The following GALNT13 variants were observed in gnomAD, a reference collection of about 807,000 sequenced individuals.
GALNT13 encodes polypeptide N-acetylgalactosaminyltransferase 13, also known as UDP-GalNAc:polypeptide N-acetylgalactosaminyltransferase 13.
In GALNT13, 28 loss-of-function variants were observed where a neutral mutation model predicts 64.2. The ratio of observed to expected loss-of-function variants is 0.44; its 90% CI spans 0.32 to 0.60. GALNT13 has a LOEUF of 0.60. Ranked by LOEUF, GALNT13 falls within the 20% of genes least tolerant of loss-of-function variation. The pLI, the probability that GALNT13 is intolerant of heterozygous loss-of-function variation, is 0.05. For synonymous variants in GALNT13, 214 were observed against 224.6 expected, an observed-to-expected ratio of 0.95 and a Z score of 0.42; for missense variants, 577 against 669.8, an observed-to-expected ratio of 0.86 and a Z score of 1.53.
rs201157334 is a variant in GALNT13, at chr2:154,404,631, GA to G, written c.1297-4345del. ...AATGGGAGAAGTACTTTGCAGGTGA[GA>G]AAAAAAACTCCTCTCTAATATCTGA... On this transcript the variant is annotated intron_variant, in intron 10 of 12. Transcript: ENST00000392825. 4.8e-3 allele frequency among the ~76,000 whole-genome samples: 724 copies of G among 151,926 alleles called. 8 individuals carry two copies. The highest frequency in any genetic ancestry group is 0.042 in the South Asian group (203 of 4,806).
intron 4 of GALNT13, among the ~76,000 whole-genome samples, chr2:154,166,229 AC>A (rs1294279376): frequency 6.6e-6 from 1 of 152,090 alleles, no homozygotes; most frequent in Non-Finnish European, 1.5e-5. Flanking sequence ...ACATGGTGAA[AC>A]CCCATCTCTA....
chr2:154,265,354 A>G (rs1367208035), intron 8 of GALNT13, among the ~76,000 whole-genome samples: 2 of 152,140 alleles, frequency 1.3e-5, no homozygotes, highest in Admixed American at 1.3e-4. Flanking sequence ...AGGAAACTCA[A>G]TGGCCAGATA....
At chr2:154,145,833 A>G (rs985356547) in intron 4 of GALNT13, among the ~76,000 whole-genome samples, 1 of 151,972 alleles carries the variant, frequency 6.6e-6, no homozygotes, top group Non-Finnish European at 1.5e-5. Flanking sequence ...GCTCATTTAT[A>G]AGGTTTGCCT....
chr2:154,409,569 T>C (rs1290347530), intron 11 of GALNT13, among the ~76,000 whole-genome samples: 1 of 152,020 alleles, frequency 6.6e-6, no homozygotes, highest in East Asian at 1.9e-4. Context: ...TTCTTGTGTG[T>C]GACAAGAGTT....
chr2:153,291,890 G>A, the GALNT13 span, among the ~76,000 whole-genome samples: 3 of 152,102 alleles, frequency 2.0e-5, no homozygotes, highest in African/African-American at 7.2e-5. Flanking sequence ...GTCTTTGTGT[G>A]TGTCTTTGCA....
the GALNT13 span, among the ~76,000 whole-genome samples, chr2:153,168,203 C>T: frequency 6.6e-6 from 1 of 152,268 alleles, no homozygotes; most frequent in East Asian, 1.9e-4. Context: ...AGGACATTTT[C>T]AGAATTTGCA....
intron 3 of GALNT13, among the ~76,000 whole-genome samples, chr2:153,981,323 C>T (rs1237800482): frequency 2.0e-5 from 3 of 152,056 alleles, no homozygotes; most frequent in Non-Finnish European, 2.9e-5. Context: ...CCCATTAACT[C>T]GTCATTTACG....
intron 3 of GALNT13, among the ~76,000 whole-genome samples, chr2:154,123,412 G>A (rs899238448): frequency 6.6e-5 from 10 of 151,856 alleles, no homozygotes; most frequent in African/African-American, 2.4e-4. Context: ...GCAGGATGGG[G>A]ATCAAGATGA....
chr2:153,352,794 T>A, the GALNT13 span, among the ~76,000 whole-genome samples: 1 of 152,160 alleles, frequency 6.6e-6, no homozygotes, highest in Non-Finnish European at 1.5e-5. Flanking sequence ...AGCTCTTTAT[T>A]CTGTTCCATT....
chr2:154,119,752 A>C (rs565921422), intron 3 of GALNT13, among the ~76,000 whole-genome samples: 1 of 151,834 alleles, frequency 6.6e-6, no homozygotes, highest in Non-Finnish European at 1.5e-5. Flanking sequence ...TGTATTTTTT[A>C]TCTCTAGGAT....
chr2:153,905,118 CT>C (rs1688472047), intron 2 of GALNT13, among the ~76,000 whole-genome samples: 1 of 151,816 alleles, frequency 6.6e-6, no homozygotes, highest in Non-Finnish European at 1.5e-5. Context: ...GGCATGTTGA[CT>C]TTGCCTTCTT....
At chr2:153,661,297 G>C in the GALNT13 span, among the ~76,000 whole-genome samples, 2 of 152,090 alleles carry the variant, frequency 1.3e-5, no homozygotes. Flanking sequence ...TATGATATCT[G>C]AGTAGGTACA....
chr2:153,884,856 TACACACACACACACAC>T (rs144324984), intron 1 of GALNT13, among the ~76,000 whole-genome samples: 4 of 120,530 alleles, frequency 3.3e-5, no homozygotes, highest in Non-Finnish European at 6.5e-5. Flanking sequence ...TATATGTATA[TACACACACACACACAC>T]ACACACACAC....
the GALNT13 span, among the ~76,000 whole-genome samples, chr2:153,524,321 CT>C: frequency 0.12 from 15,627 of 134,964 alleles, 694 homozygotes; most frequent in Middle Eastern, 0.14. Context: ...TATTCCTTCT[CT>C]TTTTTTTTTT....
the GALNT13 span, among the ~76,000 whole-genome samples, chr2:153,418,605 T>C: frequency 2.6e-5 from 4 of 152,146 alleles, no homozygotes; most frequent in South Asian, 2.1e-4. Flanking sequence ...GAAATGAACA[T>C]TGTTTTTAGC....
At chr2:153,432,873 CAG>C in the GALNT13 span, among the ~76,000 whole-genome samples, 1 of 152,072 alleles carries the variant, frequency 6.6e-6, no homozygotes, top group Non-Finnish European at 1.5e-5. Flanking sequence ...GTCCATCAAA[CAG>C]AATGATTTGT....
the GALNT13 span, among the ~76,000 whole-genome samples, chr2:153,093,022 C>A: frequency 6.7e-6 from 1 of 149,978 alleles, no homozygotes; most frequent in Non-Finnish European, 1.5e-5. Context: ...AGGTATATGC[C>A]TTCTATCCTC....
chr2:154,080,908 G>A (rs1349283220), intron 3 of GALNT13, among the ~76,000 whole-genome samples: 2 of 151,538 alleles, frequency 1.3e-5, no homozygotes, highest in African/African-American at 4.8e-5. Context: ...TAGTTTCTAA[G>A]AGGGAGGACA....
the GALNT13 span, among the ~76,000 whole-genome samples, chr2:153,355,530 A>G: frequency 6.6e-6 from 1 of 152,234 alleles, no homozygotes; most frequent in Non-Finnish European, 1.5e-5. Flanking sequence ...TCTTATATAA[A>G]GTGATAATTA....
Sources: gnomAD v4.1 joint callset for allele counts (sites outside exome capture counted in the v4.1 genomes callset) on GRCh38, gnomAD v4.1.1 for gene constraint, MANE v1.5 for transcripts, NCBI Gene and HGNC (gene_info 2026-07-23, HGNC 2026-07-21) for gene names.